PLA2G2C: variants seen among roughly 807,000 people sequenced by gnomAD.
PLA2G2C encodes the protein putative inactive group IIC secretory phospholipase A2.
In PLA2G2C, 15 loss-of-function variants were observed where a neutral mutation model predicts 14.3. The observed-to-expected ratio is 1.05, with a 90% CI of 0.70 to 1.62. PLA2G2C has a LOEUF of 1.62. Ranked by LOEUF, PLA2G2C falls within the 40% of genes most tolerant of loss-of-function variation. The pLI is 0.00. For synonymous variants in PLA2G2C, 79 were observed against 67.7 expected (o/e 1.17, Z -0.82); for missense variants, 162 against 173.2 (o/e 0.94, Z 0.36).
chr1:20,178,882 G>C (rs913591752), intron 1 of PLA2G2C, among the ~76,000 whole-genome samples: 2 of 152,226 alleles, frequency 1.3e-5, no homozygotes, highest in Non-Finnish European at 2.9e-5. Context: ...CCCCATGTGG[G>C]CTGCAATTCT....
intron 2 of PLA2G2C, 37 bp downstream of exon 2, chr1:20,177,287 A>C (rs1266450160): frequency 4.3e-6 from 3 of 700,464 alleles, no homozygotes; most frequent in East Asian, 5.4e-5. Context: ...ACAGGAAGAC[A>C]GAAGCTTGGT....
In PLA2G2C at chr1:20,180,039, C is replaced by T. The variant is rs2018258031; in HGVS notation, c.-76-2600G>A. Among the ~76,000 whole-genome samples, 3 of 151,786 alleles carry T rather than the reference C, an allele frequency of 2.0e-5. No homozygotes were observed. The South Asian group carries it at 6.3e-4, about 32-fold the overall frequency. The stretch of plus-strand genomic sequence containing the variant: ...CTCCCTTGTGTGTATGCTTCTCCCT[C>T]TGTGCCAGCTTCTCCATTATGTGTC... On this transcript the variant is annotated intron_variant, in intron 1 of 4. Coordinates refer to ENST00000679259, the MANE Select transcript of PLA2G2C (RefSeq NM_001367969.2).
At chr1:20,169,311 G>C (rs1569926421) in intron 4 of PLA2G2C, among the ~76,000 whole-genome samples, 1 of 152,126 alleles carries the variant, frequency 6.6e-6, no homozygotes, top group African/African-American at 2.4e-5. Context: ...CTGAGTAGCT[G>C]GGACTACAGG....
chr1:20,168,406 C>G (rs1340471934), intron 4 of PLA2G2C, among the ~76,000 whole-genome samples: 1 of 152,214 alleles, frequency 6.6e-6, no homozygotes, highest in African/African-American at 2.4e-5. Flanking sequence ...CCTGTGGGCT[C>G]TATGAGAACC....
At chr1:20,175,210 T>A (rs1385863411) in intron 2 of PLA2G2C, 65 bp from the exon 3 acceptor site, 1 of 1,611,262 alleles carries the variant, frequency 6.2e-7, no homozygotes, top group East Asian at 2.2e-5. Flanking sequence ...TGCCTTGATG[T>A]CCCCTCCCCT....
intron 2 of PLA2G2C, among the ~76,000 whole-genome samples, chr1:20,176,214 C>A (rs889498106): frequency 1.3e-5 from 2 of 152,022 alleles, no homozygotes; most frequent in Non-Finnish European, 2.9e-5. Context: ...CAACCGCGCC[C>A]GGCCCAGCAT....
At position 20,173,523 on chromosome 1, in the gene PLA2G2C, C is replaced by G. The variant is rs2018126703; in HGVS notation, c.180-626G>C. ...AGAATGATAGACCCAGGACACAAAC[C>G]TAGGCCCATTCATTCATTTAACACT... On this transcript the variant is annotated intron_variant, in intron 3 of 4. Transcript: ENST00000679259. Among the ~76,000 whole-genome samples the G allele has an allele frequency of 1.3e-5, 2 of 152,162 alleles. 1 individual carries two copies. The highest frequency in any genetic ancestry group is 4.8e-5 in the African/African-American group (2 of 41,430).
At chr1:20,170,063 G>C (rs1252975520) in intron 4 of PLA2G2C, among the ~76,000 whole-genome samples, 1 of 152,248 alleles carries the variant, frequency 6.6e-6, no homozygotes, top group Non-Finnish European at 1.5e-5. Flanking sequence ...TGTGGCCTTG[G>C]CCATCGTGCT....
intron 2 of PLA2G2C, among the ~76,000 whole-genome samples, chr1:20,176,652 G>A (rs910991683): frequency 6.6e-6 from 1 of 152,222 alleles, no homozygotes; most frequent in African/African-American, 2.4e-5. Flanking sequence ...ACCTTGCAAA[G>A]TGTAAATTCC....
chr1:20,174,909 T>A (rs1053784513), intron 3 of PLA2G2C, 98 bp downstream of exon 3: 51 of 1,245,750 alleles, frequency 4.1e-5, no homozygotes, highest in Non-Finnish European at 5.5e-5. Flanking sequence ...TGTTTTCTGT[T>A]ATTTGCCAGG....
At chr1:20,168,584 G>A (rs1314187789) in intron 4 of PLA2G2C, among the ~76,000 whole-genome samples, 2 of 152,212 alleles carry the variant, frequency 1.3e-5, no homozygotes, top group East Asian at 1.9e-4. Flanking sequence ...GCTGAGATGA[G>A]GAATATATTC....
intron 4 of PLA2G2C, among the ~76,000 whole-genome samples, chr1:20,172,316 TCA>T (rs1215435799): frequency 6.6e-6 from 1 of 152,054 alleles, no homozygotes; most frequent in African/African-American, 2.4e-5. Flanking sequence ...TTGAATGGTC[TCA>T]GTAACATGTG....
At chr1:20,180,213 C>CT (rs112902049) in intron 1 of PLA2G2C, among the ~76,000 whole-genome samples, 3 of 152,220 alleles carry the variant, frequency 2.0e-5, no homozygotes, top group East Asian at 1.9e-4. Context: ...CAGCAACATA[C>CT]TTTTTTTGCA....
intron 1 of PLA2G2C, among the ~76,000 whole-genome samples, chr1:20,181,225 T>C (rs1291601927): frequency 6.6e-6 from 1 of 152,122 alleles, no homozygotes; most frequent in Non-Finnish European, 1.5e-5. Context: ...AAATAAATAT[T>C]TGAGGCATGA....
At chr1:20,177,723 A>G (rs2018211240) in intron 1 of PLA2G2C, among the ~76,000 whole-genome samples, 1 of 151,752 alleles carries the variant, frequency 6.6e-6, no homozygotes, top group Non-Finnish European at 1.5e-5. Context: ...TGAGGAGTCC[A>G]TATTTCCTCT....
intron 1 of PLA2G2C, among the ~76,000 whole-genome samples, chr1:20,179,212 C>CTGTGTGTGTGTGTG (rs35377696): frequency 6.7e-6 from 1 of 149,764 alleles, no homozygotes; most frequent in Admixed American, 6.6e-5. Context: ...GTCAGTTTCT[C>CTGTGTGTGTGTGTG]TGTGTGTGTG....
intron 1 of PLA2G2C, among the ~76,000 whole-genome samples, chr1:20,180,110 T>C (rs1422869284): frequency 6.6e-6 from 1 of 151,914 alleles, no homozygotes; most frequent in East Asian, 1.9e-4. Context: ...TTAGCTTCTC[T>C]TTCTATGTCA....
rs2017902819 is a variant in PLA2G2C, at chr1:20,163,375, T to C, written c.*616A>G. 1 of 152,340 alleles carries C rather than the reference T, an allele frequency of 6.6e-6. No individual in the cohort carries two copies. Among genetic ancestry groups the C allele is most frequent in the South Asian group, 2.1e-4 (1 of 4,836 alleles). The allele number at this position is 152,340 out of a possible 1,614,324, so 9.4% of individuals were successfully genotyped here. ...AAACCATCCCTCCCACAACATTCTA[T>C]TGACCAAACTAAGCCACAAGACCAG... On this transcript the variant is annotated 3_prime_UTR_variant, in exon 5 of 5. Coordinates refer to ENST00000679259, the MANE Select transcript of PLA2G2C (RefSeq NM_001367969.2).
At chr1:20,171,236 C>T (rs1392872384) in intron 4 of PLA2G2C, among the ~76,000 whole-genome samples, 2 of 95,644 alleles carry the variant, frequency 2.1e-5, no homozygotes, top group African/African-American at 8.9e-5. Flanking sequence ...CTCTCCTGAA[C>T]ATGGCCTTGG....
Sources: allele counts gnomAD v4.1 joint callset (sites outside exome capture counted in the v4.1 genomes callset), GRCh38; gene constraint gnomAD v4.1.1; transcripts MANE v1.5; gene names NCBI Gene and HGNC (gene_info 2026-07-23, HGNC 2026-07-21).